The following PPARA variants were observed in gnomAD, a reference collection of about 807,000 sequenced individuals.
PPARA encodes peroxisome proliferator activated receptor alpha, also known as peroxisome proliferator-activated receptor alpha.
In PPARA, 22 loss-of-function variants were observed where a neutral mutation model predicts 42.2. The ratio of observed to expected loss-of-function variants is 0.52; its 90% CI spans 0.37 to 0.74. PPARA has a LOEUF of 0.74. Ranked by LOEUF, PPARA falls within the 30% of genes least tolerant of loss-of-function variation. PPARA has a pLI of 0.00. For synonymous variants in PPARA, 242 were observed against 239.3 expected, an observed-to-expected ratio of 1.01 and a Z score of -0.10; for missense variants, 465 against 608.2, an observed-to-expected ratio of 0.76 and a Z score of 2.48.
intron 4 of PPARA, among the ~76,000 whole-genome samples, chr22:46,209,281 A>G (rs962908475): frequency 6.6e-6 from 1 of 152,042 alleles, no homozygotes; most frequent in Non-Finnish European, 1.5e-5. Flanking sequence ...TTTCTTACCA[A>G]TTCTGAACCA....
At position 46,167,647 on chromosome 22, in the gene PPARA, G is replaced by A. The variant is rs1927275351; in HGVS notation, c.-126-9106G>A. Among the ~76,000 whole-genome samples the A allele has an allele frequency of 6.6e-6, 1 of 151,800 alleles. No homozygotes were observed. Among genetic ancestry groups the A allele is most frequent in the Non-Finnish European group, 1.5e-5 (1 of 67,914 alleles). On this transcript the variant is annotated intron_variant, in intron 2 of 8. Transcript: ENST00000407236. This position sits in a 1 kb window ranked among gnomAD's most constrained non-coding sequence, Gnocchi z 4.1. Reference sequence around the variant, plus strand: ...CCAGACTGGGTGACAGAGAGACCGTGTGTTAAAAAAAGAGTTAAAACTATA... The same window carrying A: ...CCAGACTGGGTGACAGAGAGACCGTATGTTAAAAAAAGAGTTAAAACTATA...
Position 46,235,641 on chromosome 22 carries a change from A to T in PPARA, c.*261A>T. 2 of 506,512 alleles carry T rather than the reference A, an allele frequency of 3.9e-6. No individual in the cohort carries two copies. The highest frequency in any genetic ancestry group is 7.2e-6 in the Non-Finnish European group (2 of 278,234). 31.4% of individuals were successfully genotyped at this position (506,512 alleles called of 1,614,324 possible). On this transcript the variant is annotated 3_prime_UTR_variant, in exon 9 of 9. Coordinates refer to ENST00000407236, the MANE Select transcript of PPARA (RefSeq NM_005036.6). This position sits in a 1 kb window ranked among gnomAD's most constrained non-coding sequence, Gnocchi z 7.0. ...ACGGCGAATTATGCTCAATGGTCTGATTTTAACTCACCCGATGTTAATCAA... is the reference window on the plus strand; with the variant it reads ...ACGGCGAATTATGCTCAATGGTCTGTTTTTAACTCACCCGATGTTAATCAA...
rs183602229 is a variant in PPARA at position 46,211,193 on chromosome 22, G to A, written c.209-3980G>A. Among the ~76,000 whole-genome samples the A allele has an allele frequency of 6.6e-6, 1 of 152,286 alleles. No individual in the cohort carries two copies. The highest frequency in any genetic ancestry group is 1.5e-5 in the Non-Finnish European group (1 of 68,030). Reference sequence around the variant, plus strand: ...GTATTTCTGTCTGTGGCCATCTGTAGCTGTATGAAGCCAAACATGAGTGTG... The same window carrying A: ...GTATTTCTGTCTGTGGCCATCTGTAACTGTATGAAGCCAAACATGAGTGTG... On this transcript the variant is annotated intron_variant, in intron 4 of 8. Transcript: ENST00000407236. This position sits in a 1 kb window ranked among gnomAD's most constrained non-coding sequence, Gnocchi z 4.1.
rs1479974908 is a variant in PPARA, at chr22:46,171,369, A to G, written c.-126-5384A>G. The G allele has an allele frequency of 6.6e-6, 1 of 152,322 alleles. No homozygotes were observed. Among genetic ancestry groups the G allele is most frequent in the Non-Finnish European group, 1.5e-5 (1 of 68,130 alleles). 9.4% of individuals were successfully genotyped at this position (152,322 alleles called of 1,614,324 possible). On this transcript the variant is annotated intron_variant, in intron 2 of 8. Coordinates refer to ENST00000407236, the MANE Select transcript of PPARA (RefSeq NM_005036.6). This position sits in a 1 kb window ranked among gnomAD's most constrained non-coding sequence, Gnocchi z 5.0. ...GATACGTAAGTGAACAAAACCCATG[A>G]CACCCTCGTCTATGAGAGCTGATCC...
At chr22:46,175,298 T>C (rs1928856286) in intron 2 of PPARA, among the ~76,000 whole-genome samples, 1 of 152,214 alleles carries the variant, frequency 6.6e-6, no homozygotes, top group South Asian at 2.1e-4. Context: ...AGATACATAA[T>C]GTTTCCATCA....
chr22:46,228,485 G>A lies in PPARA; in HGVS notation c.712-3307G>A, dbSNP rs145753392. Among the ~76,000 whole-genome samples the A allele has an allele frequency of 4.0e-4, 61 of 152,070 alleles. No individual in the cohort carries two copies. The East Asian group carries it at 4.5e-3, about 11-fold the overall frequency. ...TGGGAGGTGGAGGTTGCAGTGAGTC[G>A]AGATCACGCCACTGCACTCCAGCCT... is the stretch of plus-strand genomic sequence containing the variant. On this transcript the variant is annotated intron_variant, in intron 7 of 8. Transcript: ENST00000407236.
intron 7 of PPARA, among the ~76,000 whole-genome samples, chr22:46,229,100 C>A (rs1026731219): frequency 7.5e-6 from 1 of 133,602 alleles, no homozygotes; most frequent in South Asian, 2.1e-4. Context: ...GAGCGAGACT[C>A]CATCTCAAAA....
chr22:46,178,202 C>A (rs1198512949), intron 3 of PPARA, among the ~76,000 whole-genome samples: 1 of 152,172 alleles, frequency 6.6e-6, no homozygotes, highest in Non-Finnish European at 1.5e-5. Context: ...TGAAATATTT[C>A]TATCTGTCAG....
chr22:46,159,758 G>A (rs1472801478), intron 2 of PPARA, among the ~76,000 whole-genome samples: 1 of 152,190 alleles, frequency 6.6e-6, no homozygotes, highest in Non-Finnish European at 1.5e-5. Flanking sequence ...TGGGAAGAAG[G>A]CTTTGGAAAA....
chr22:46,212,795 A>G lies in PPARA; in HGVS notation c.209-2378A>G, dbSNP rs1427529726. Among the ~76,000 whole-genome samples the G allele has an allele frequency of 6.6e-6, 1 of 152,152 alleles. No individual in the cohort carries two copies. The highest frequency in any genetic ancestry group is 2.4e-5 in the African/African-American group (1 of 41,434). On this transcript the variant is annotated intron_variant, in intron 4 of 8. Transcript: ENST00000407236. This position sits in a 1 kb window ranked among gnomAD's most constrained non-coding sequence, Gnocchi z 4.2. Reference sequence around the variant, plus strand: ...CAGATCACTTGAGGTCAGGAGTTTGAGACCAGCCTGGCCAACATGGTGAAA... The same window carrying G: ...CAGATCACTTGAGGTCAGGAGTTTGGGACCAGCCTGGCCAACATGGTGAAA...
In PPARA at chr22:46,196,444, G is replaced by A. The variant is rs546752863; in HGVS notation, c.-42-1898G>A. Among the ~76,000 whole-genome samples, 120 of 152,324 alleles carry A rather than the reference G, an allele frequency of 7.9e-4. No individual in the cohort carries two copies. Among genetic ancestry groups the A allele is most frequent in the Non-Finnish European group, 1.3e-3 (86 of 68,018 alleles). On this transcript the variant is annotated intron_variant, in intron 3 of 8. Transcript: ENST00000407236. The surrounding 1 kb of genome is among the most constrained non-coding windows in gnomAD (Gnocchi z 5.6). ...TGCCACCGGCTTGGCCCTGCGCCCCGCAGCCTGAGCCACACTGGCTGCCTG... is the reference window on the plus strand; with the variant it reads ...TGCCACCGGCTTGGCCCTGCGCCCCACAGCCTGAGCCACACTGGCTGCCTG...
In PPARA at chr22:46,192,202, G is replaced by A. The variant is rs1209215463; in HGVS notation, c.-42-6140G>A. ...ACAGTCTAGTAGGAGAGACAGACAC[G>A]TAAAAAGTTTCAACAGCACAGATAA... On this transcript the variant is annotated intron_variant, in intron 3 of 8. Transcript: ENST00000407236. This position sits in a 1 kb window ranked among gnomAD's most constrained non-coding sequence, Gnocchi z 4.3. Among the ~76,000 whole-genome samples the A allele has an allele frequency of 6.6e-6, 1 of 152,218 alleles. No homozygotes were observed. Among genetic ancestry groups the A allele is most frequent in the Non-Finnish European group, 1.5e-5 (1 of 68,036 alleles).
chr22:46,215,790 TG>T (rs1462197498), intron 5 of PPARA, among the ~76,000 whole-genome samples: 2 of 151,918 alleles, frequency 1.3e-5, no homozygotes, highest in Admixed American at 1.3e-4. Context: ...CTGACCTCAG[TG>T]ATAGATTAGC....
chr22:46,192,969 G>T lies in PPARA; in HGVS notation c.-42-5373G>T, dbSNP rs1235725491. On this transcript the variant is annotated intron_variant, in intron 3 of 8. Coordinates refer to ENST00000407236, the MANE Select transcript of PPARA (RefSeq NM_005036.6). This position sits in a 1 kb window ranked among gnomAD's most constrained non-coding sequence, Gnocchi z 4.3. ...GAGATTAGAAGGATGGTTACCAGAG[G>T]CTGGGAAGGGTGGTGAGGGGTTGGG... Among the ~76,000 whole-genome samples, 1 of 152,166 alleles carries T rather than the reference G, an allele frequency of 6.6e-6. No individual in the cohort carries two copies. The highest frequency in any genetic ancestry group is 6.6e-5 in the Admixed American group (1 of 15,260).
rs1928415788 is a variant in PPARA, at chr22:46,173,549, T to A, written c.-126-3204T>A. On this transcript the variant is annotated intron_variant, in intron 2 of 8. Coordinates refer to ENST00000407236, the MANE Select transcript of PPARA (RefSeq NM_005036.6). This position sits in a 1 kb window ranked among gnomAD's most constrained non-coding sequence, Gnocchi z 4.3. ...GTTTGCCAAGGGGAAGAAGAAAGCT[T>A]GGAAATGGTATTCCTTAAAAATGTC... Among the ~76,000 whole-genome samples, 1 of 152,214 alleles carries A rather than the reference T, an allele frequency of 6.6e-6. No homozygotes were observed. Among genetic ancestry groups the A allele is most frequent in the East Asian group, 1.9e-4 (1 of 5,200 alleles).
chr22:46,172,318 T>TAAAAAAAAAA (rs35328780), intron 2 of PPARA, among the ~76,000 whole-genome samples: 3 of 119,580 alleles, frequency 2.5e-5, no homozygotes, highest in African/African-American at 9.1e-5. Flanking sequence ...TGCAAGTAAT[T>TAAAAAAAAAA]AAAAAAAAAA....
chr22:46,174,916 A>C (rs1003168771), intron 2 of PPARA, among the ~76,000 whole-genome samples: 2 of 151,392 alleles, frequency 1.3e-5, no homozygotes, highest in Non-Finnish European at 2.9e-5. Context: ...AGTTTTTTTT[A>C]CTTTTTTTTT....
At chr22:46,168,719 ATC>A (rs1927505909) in intron 2 of PPARA, among the ~76,000 whole-genome samples, 1 of 151,940 alleles carries the variant, frequency 6.6e-6, no homozygotes, top group South Asian at 2.1e-4. Flanking sequence ...GTTCATAGAC[ATC>A]TCTCTTCGTA....
rs545462641 is a variant in PPARA at position 46,203,802 on chromosome 22, C to A, written c.208+5211C>A. 1.3e-5 allele frequency among the ~76,000 whole-genome samples: 2 copies of A among 152,336 alleles called. No individual in the cohort carries two copies. Among genetic ancestry groups the A allele is most frequent in the East Asian group, 3.9e-4 (2 of 5,186 alleles). ...CCATTCTCCCAATGCCCAGGTGGGT[C>A]CCCGTCCCTTGCGGGCCTGTCCAGA... On this transcript the variant is annotated intron_variant, in intron 4 of 8. Coordinates refer to ENST00000407236, the MANE Select transcript of PPARA (RefSeq NM_005036.6). The surrounding 1 kb of genome is among the most constrained non-coding windows in gnomAD (Gnocchi z 5.8).
Sources: gnomAD v4.1 joint callset for allele counts (sites outside exome capture counted in the v4.1 genomes callset) on GRCh38, gnomAD v4.1.1 for gene constraint, Gnocchi (gnomAD v3.1) non-coding constraint, MANE v1.5 for transcripts, NCBI Gene and HGNC (gene_info 2026-07-23, HGNC 2026-07-21) for gene names.